The following GALNT13 variants were observed in gnomAD, a reference collection of about 807,000 sequenced individuals.
The protein encoded by GALNT13 is UDP-GalNAc:polypeptide N-acetylgalactosaminyltransferase 13.
In GALNT13, 28 loss-of-function variants were observed where a neutral mutation model predicts 64.2. The observed-to-expected ratio is 0.44, with a 90% CI of 0.32 to 0.60. GALNT13 has a LOEUF of 0.60. Among genes scored for constraint, GALNT13 ranks in the 20% least tolerant of loss-of-function variants. The pLI, the probability that GALNT13 is intolerant of heterozygous loss-of-function variation, is 0.05. For synonymous variants in GALNT13, 214 were observed against 224.6 expected, an observed-to-expected ratio of 0.95 and a Z score of 0.42; for missense variants, 577 against 669.8, an observed-to-expected ratio of 0.86 and a Z score of 1.53.
the GALNT13 span, among the ~76,000 whole-genome samples, chr2:153,415,624 A>G: frequency 6.6e-6 from 1 of 152,212 alleles, no homozygotes; most frequent in African/African-American, 2.4e-5. Flanking sequence ...ACACACAATG[A>G]TATGAAACAA....
At chr2:153,484,863 A>T in the GALNT13 span, among the ~76,000 whole-genome samples, 1 of 152,124 alleles carries the variant, frequency 6.6e-6, no homozygotes, top group Non-Finnish European at 1.5e-5. Context: ...TCTGCCTCCT[A>T]TTGCCAGTCA....
At chr2:153,724,177 C>A in the GALNT13 span, among the ~76,000 whole-genome samples, 1 of 142,394 alleles carries the variant, frequency 7.0e-6, no homozygotes, top group East Asian at 2.0e-4. Flanking sequence ...TGATCTTTGA[C>A]AAACCGGAGA....
chr2:153,725,534 A>G, the GALNT13 span, among the ~76,000 whole-genome samples: 2 of 151,830 alleles, frequency 1.3e-5, no homozygotes, highest in Admixed American at 6.6e-5. Flanking sequence ...AGTTCTTTTT[A>G]AAGTCCAAAA....
At chr2:154,223,913 A>C (rs1168195766) in intron 4 of GALNT13, among the ~76,000 whole-genome samples, 1 of 152,102 alleles carries the variant, frequency 6.6e-6, no homozygotes, top group Non-Finnish European at 1.5e-5. Context: ...GGTGTTCATG[A>C]TGGGAAGGGA....
intron 2 of GALNT13, 82 bp downstream of exon 2, chr2:153,901,089 A>G (rs1558842875): frequency 6.6e-6 from 1 of 152,056 alleles, no homozygotes; most frequent in Non-Finnish European, 1.5e-5. Flanking sequence ...ACCCATTTCT[A>G]TTTACAGTCT....
At chr2:153,409,294 G>A in the GALNT13 span, among the ~76,000 whole-genome samples, 1 of 121,300 alleles carries the variant, frequency 8.2e-6, no homozygotes, top group East Asian at 2.1e-4. Flanking sequence ...ATATGAATAT[G>A]TATGTATATA....
chr2:153,711,192 A>T, the GALNT13 span, among the ~76,000 whole-genome samples: 2 of 152,116 alleles, frequency 1.3e-5, no homozygotes, highest in South Asian at 2.1e-4. Context: ...TAAGCTCAGG[A>T]TGCTGAAATG....
At chr2:153,518,526 G>A in the GALNT13 span, among the ~76,000 whole-genome samples, 2,096 of 152,230 alleles carry the variant, frequency 0.014, 60 homozygotes, top group African/African-American at 0.048. Context: ...AATCATGTCT[G>A]TTACTGACTT....
chr2:153,562,608 A>G, the GALNT13 span, among the ~76,000 whole-genome samples: 1 of 152,068 alleles, frequency 6.6e-6, no homozygotes, highest in African/African-American at 2.4e-5. Context: ...GCTAAAACTT[A>G]CCTTGAATTC....
At chr2:153,628,365 A>G in the GALNT13 span, among the ~76,000 whole-genome samples, 3 of 152,130 alleles carry the variant, frequency 2.0e-5, no homozygotes, top group Admixed American at 1.3e-4. Flanking sequence ...TGCCCTGGCT[A>G]GAACTTCCAA....
chr2:153,611,679 C>CTTT, the GALNT13 span, among the ~76,000 whole-genome samples: 118 of 104,388 alleles, frequency 1.1e-3, 3 homozygotes, highest in African/African-American at 2.7e-3. Context: ...ACATTTTTAC[C>CTTT]TTTTTTTTTT....
chr2:153,304,871 T>C, the GALNT13 span, among the ~76,000 whole-genome samples: 1 of 152,148 alleles, frequency 6.6e-6, no homozygotes, highest in Non-Finnish European at 1.5e-5. Flanking sequence ...TAAAAAACAT[T>C]TGCGGAGAGG....
At chr2:154,210,914 TAGGTG>T (rs1687722879) in intron 4 of GALNT13, among the ~76,000 whole-genome samples, 1 of 152,130 alleles carries the variant, frequency 6.6e-6, no homozygotes, top group Admixed American at 6.6e-5. Flanking sequence ...AAATGACTCT[TAGGTG>T]TCTAGCTTAA....
At chr2:154,116,747 G>A (rs537827714) in intron 3 of GALNT13, among the ~76,000 whole-genome samples, 38 of 152,006 alleles carry the variant, frequency 2.5e-4, no homozygotes, top group Non-Finnish European at 5.0e-4. Context: ...TAGCATTTTG[G>A]GGTTTAATCA....
chr2:154,254,655 G>A (rs1690271738), intron 7 of GALNT13, among the ~76,000 whole-genome samples: 1 of 152,146 alleles, frequency 6.6e-6, no homozygotes, highest in Non-Finnish European at 1.5e-5. Context: ...TATATTAAGA[G>A]ACTGGAAAGA....
At chr2:153,164,964 C>T in the GALNT13 span, among the ~76,000 whole-genome samples, 1 of 152,282 alleles carries the variant, frequency 6.6e-6, no homozygotes, top group South Asian at 2.1e-4. Flanking sequence ...ACTTTCAAAA[C>T]TTTTGATCTG....
chr2:153,523,670 G>T, the GALNT13 span, among the ~76,000 whole-genome samples: 1 of 152,120 alleles, frequency 6.6e-6, no homozygotes, highest in Non-Finnish European at 1.5e-5. Context: ...CTTGTATCTG[G>T]CAATCATGCT....
the GALNT13 span, among the ~76,000 whole-genome samples, chr2:153,347,874 T>A: frequency 2.0e-5 from 3 of 152,306 alleles, no homozygotes; most frequent in East Asian, 5.8e-4. Context: ...TTATTATCTA[T>A]GTGAAAGCAT....
chr2:154,395,662 CAG>C (rs1699022588), intron 9 of GALNT13, among the ~76,000 whole-genome samples: 1 of 152,006 alleles, frequency 6.6e-6, no homozygotes, highest in East Asian at 1.9e-4. Context: ...TAAGGAGAAA[CAG>C]ACATATTACA....
Sources: gnomAD v4.1 joint callset for allele counts (sites outside exome capture counted in the v4.1 genomes callset) on GRCh38, gnomAD v4.1.1 for gene constraint, MANE v1.5 for transcripts, NCBI Gene and HGNC (gene_info 2026-07-23, HGNC 2026-07-21) for gene names.